The following NUF2 variants were observed in gnomAD, a reference collection of about 807,000 sequenced individuals.
NUF2 encodes the protein NUF2 component of NDC80 kinetochore complex, also known as kinetochore protein Nuf2.
Under a neutral mutation model 61.8 loss-of-function variants are expected in NUF2, and 34 were observed. That is an observed-to-expected ratio of 0.55 (90% CI 0.42 to 0.73). The LOEUF is 0.73. Among genes scored for constraint, NUF2 ranks in the 30% least tolerant of loss-of-function variants. The pLI is 0.00. For synonymous variants in NUF2, 172 were observed against 181.6 expected, an observed-to-expected ratio of 0.95 and a Z score of 0.42; for missense variants, 445 against 539.1, an observed-to-expected ratio of 0.83 and a Z score of 1.73.
chr1:163,328,332 C>G (rs370795908), intron 4 of NUF2, 28 bp downstream of exon 4: 1 of 1,334,696 alleles, frequency 7.5e-7, no homozygotes, highest in East Asian at 2.3e-5. Flanking sequence ...TTATTGTCTT[C>G]GTCTACATTC....
At chr1:163,329,455 G>C (rs1650529954) in intron 5 of NUF2, among the ~76,000 whole-genome samples, 1 of 152,146 alleles carries the variant, frequency 6.6e-6, no homozygotes, top group East Asian at 1.9e-4. Context: ...AAAGAAAAGG[G>C]ATTTAATTGG....
At chr1:163,329,972 C>T (rs1357783423) in intron 5 of NUF2, among the ~76,000 whole-genome samples, 1 of 152,090 alleles carries the variant, frequency 6.6e-6, no homozygotes, top group Non-Finnish European at 1.5e-5. Flanking sequence ...AGCTATATAT[C>T]ATTCTGGAAA....
chr1:163,325,626 G>T (rs1650392177), intron 1 of NUF2, among the ~76,000 whole-genome samples: 1 of 151,954 alleles, frequency 6.6e-6, no homozygotes, highest in South Asian at 2.1e-4. Flanking sequence ...TATTACTGTT[G>T]TTTATATATA....
intron 11 of NUF2, among the ~76,000 whole-genome samples, chr1:163,346,511 G>A (rs557210927): frequency 6.6e-6 from 1 of 152,204 alleles, no homozygotes; most frequent in South Asian, 2.1e-4. Flanking sequence ...GATGACTAAA[G>A]AGCAAGTGGT....
intron 7 of NUF2, among the ~76,000 whole-genome samples, chr1:163,338,988 G>GT (rs1187910527): frequency 3.3e-5 from 5 of 152,122 alleles, no homozygotes; most frequent in Non-Finnish European, 5.9e-5. Flanking sequence ...TTGAACACGT[G>GT]TAAGTGTTGT....
rs775690125 is a variant in NUF2, at chr1:163,327,548, G to T, written c.184G>T (p.Glu62Ter). The T allele has an allele frequency of 6.8e-6, 11 of 1,608,044 alleles. No individual in the cohort carries two copies. Among genetic ancestry groups the T allele is most frequent in the Non-Finnish European group, 9.4e-6 (11 of 1,174,710 alleles). The change falls in exon 3 of 14, where the codon GAA (glutamate) becomes TAA (stop). Residue 62 changes from glutamate to a stop codon, truncating the protein, a stop_gained. Transcript: ENST00000271452. LOFTEE classifies it high-confidence loss of function. ...ALQIVYGIRL[E>*]HFYMMPVNSE... ...ACAAATAGTATATGGAATTCGACTG[G>T]AACATTTTTACATGGTGAGTTTAAG...
intron 10 of NUF2, among the ~76,000 whole-genome samples, chr1:163,345,039 CAG>C (rs755067509): frequency 9.9e-5 from 15 of 152,018 alleles, no homozygotes; most frequent in Non-Finnish European, 1.5e-4. Context: ...AGATTGGAAA[CAG>C]AAAATCTATA....
Position 163,329,047 on chromosome 1 carries a change from G to T in NUF2, c.337+140G>T, listed in dbSNP as rs1202278278. 8.7e-6 allele frequency: 4 copies of T among 461,882 alleles called. No homozygotes were observed. In the South Asian group the frequency reaches 1.4e-4, roughly 17 times the overall value. 28.6% of individuals were successfully genotyped at this position (461,882 alleles called of 1,614,324 possible). On this transcript the variant is annotated intron_variant, in intron 5 of 13. Coordinates refer to ENST00000271452, the MANE Select transcript of NUF2 (RefSeq NM_145697.3). ...TTTAAAAAGTATATCCCATTTTTAA[G>T]TATGAATTTTTAATATCTTGTTGAA...
At chr1:163,350,455 A>T (rs1001257499) in intron 13 of NUF2, among the ~76,000 whole-genome samples, 1 of 152,110 alleles carries the variant, frequency 6.6e-6, no homozygotes, top group African/African-American at 2.4e-5. Flanking sequence ...AATTCGAGGC[A>T]CCTTTGTCTA....
intron 9 of NUF2, among the ~76,000 whole-genome samples, chr1:163,343,281 G>T (rs188684501): frequency 2.6e-5 from 4 of 152,236 alleles, no homozygotes; most frequent in East Asian, 3.9e-4. Flanking sequence ...TTATAGTGTT[G>T]CATGTACAAA....
At chr1:163,328,550 C>T in intron 4 of NUF2, 1 of 500,936 alleles carries the variant, frequency 2.0e-6, no homozygotes, top group Admixed American at 3.8e-5. Context: ...AAATTGTTTA[C>T]CGTCTTTGTG....
In NUF2 at chr1:163,355,468, G is replaced by T; in HGVS notation, c.1394G>T (p.Ter465LeuextTer9). The T allele has an allele frequency of 6.3e-7, 1 of 1,582,030 alleles. No individual in the cohort carries two copies. Residue 465 changes from the stop codon to leucine, a stop_lost, in exon 14 of 14, where the codon TGA becomes TTA. Transcript: ENST00000271452. Reference sequence around the variant, plus strand: ...AGGAAGATGTTCAAAATGTCAACCTGATTAACAAAATTACATGTCTTTTTG... The same window carrying T: ...AGGAAGATGTTCAAAATGTCAACCTTATTAACAAAATTACATGTCTTTTTG... Reference protein sequence around the residue: ...LKRKMFKMST* With the variant: ...LKRKMFKMSTL
At chr1:163,334,387 C>T (rs752781618) in intron 5 of NUF2, among the ~76,000 whole-genome samples, 6 of 152,112 alleles carry the variant, frequency 3.9e-5, no homozygotes, top group Non-Finnish European at 7.4e-5. Context: ...ACCAAATTTC[C>T]ATCTGGTATG....
At chr1:163,347,673 A>T in intron 11 of NUF2, 90 bp from the exon 12 acceptor site, 1 of 925,290 alleles carries the variant, frequency 1.1e-6, no homozygotes, top group Non-Finnish European at 1.5e-6. Context: ...ATTTGTGTTT[A>T]ATTATAGTTC....
At chr1:163,340,275 C>A in intron 8 of NUF2, 89 bp from the exon 9 acceptor site, 1 of 982,834 alleles carries the variant, frequency 1.0e-6, no homozygotes, top group Non-Finnish European at 1.6e-6. Context: ...CATTTAACTC[C>A]TTTCTTACCT....
chr1:163,337,984 T>G, intron 6 of NUF2, 36 bp from the exon 7 acceptor site: 1 of 1,487,136 alleles, frequency 6.7e-7, no homozygotes, highest in African/African-American at 1.4e-5. Flanking sequence ...TGTGTTGAAA[T>G]GCACTAATAT....
At position 163,339,399 on chromosome 1, in the gene NUF2, G is replaced by A. The variant is rs1416508077; in HGVS notation, c.528G>A (p.Glu176=). ...LERLDSVPVE[E]QEEFKQLSDG... is the part of the protein sequence containing the mutation. ...TGTTAAGTTCTGTTCCAGTTGAAGA[G>A]CAAGAAGAGTTCAAGCAGCTTTCAG... is the stretch of plus-strand genomic sequence containing the variant. The change falls in exon 8 of 14, where the codon GAG becomes GAA. Residue 176 remains glutamate (E), a synonymous_variant. Coordinates refer to ENST00000271452, the MANE Select transcript of NUF2 (RefSeq NM_145697.3). The A allele has an allele frequency of 3.7e-6, 6 of 1,611,208 alleles. No individual in the cohort carries two copies. The East Asian group carries it at 6.7e-5, about 18-fold the overall frequency.
intron 10 of NUF2, among the ~76,000 whole-genome samples, chr1:163,344,494 A>G (rs1328318586): frequency 6.6e-6 from 1 of 151,402 alleles, no homozygotes; most frequent in Non-Finnish European, 1.5e-5. Flanking sequence ...TAAACATAGC[A>G]GTACCAAGGC....
chr1:163,332,852 C>T (rs952893648), intron 5 of NUF2, among the ~76,000 whole-genome samples: 1 of 152,138 alleles, frequency 6.6e-6, no homozygotes, highest in Non-Finnish European at 1.5e-5. Context: ...ATAACATGCA[C>T]AAATTCCAAG....
Sources: gnomAD v4.1 joint callset for allele counts (sites outside exome capture counted in the v4.1 genomes callset) on GRCh38, gnomAD v4.1.1 for gene constraint, MANE v1.5 for transcripts, NCBI Gene and HGNC (gene_info 2026-07-23, HGNC 2026-07-21) for gene names.